Variants in PDS5A observed in about 807,000 individuals in gnomAD.
PDS5A encodes the protein PDS5 cohesin associated factor A, also known as sister chromatid cohesion protein PDS5 homolog A.
PDS5A carries 42 observed loss-of-function variants against 167.1 expected under a neutral mutation model. The observed-to-expected ratio is 0.25, with a 90% CI of 0.20 to 0.33. The LOEUF (loss-of-function observed/expected upper bound fraction) is 0.33. Ranked by LOEUF, PDS5A falls within the 10% of genes least tolerant of loss-of-function variation. PDS5A has a pLI of 1.00. For synonymous variants in PDS5A, 553 were observed against 554.6 expected, an observed-to-expected ratio of 1.00 and a Z score of 0.04; for missense variants, 1,033 against 1,605.9, an observed-to-expected ratio of 0.64 and a Z score of 6.10.
At position 39,899,851 on chromosome 4, in the gene PDS5A, T is replaced by TAAAA. The variant is rs532738160; in HGVS notation, c.1581+571_1581+574dup. 3.5e-3 allele frequency among the ~76,000 whole-genome samples: 358 copies of TAAAA among 102,380 alleles called. 3 individuals are homozygous for TAAAA. Among genetic ancestry groups the TAAAA allele is most frequent in the African/African-American group, 0.015 (328 of 21,536 alleles). 67.2% of individuals were successfully genotyped at this position (102,380 alleles called of 152,430 possible). A position where few individuals can be genotyped will look rare whatever the true frequency, so the allele number is the denominator to read the frequency against. On this transcript the variant is annotated intron_variant, in intron 14 of 32. Coordinates refer to ENST00000303538, the MANE Select transcript of PDS5A (RefSeq NM_001100399.2). Reference sequence around the variant, plus strand: ...GGCAACAGAGTAAGATCCTGTGTATTAAAAAAAAAAAAAAAAAAAAAAAAA... The same window carrying TAAAA: ...GGCAACAGAGTAAGATCCTGTGTATTAAAAAAAAAAAAAAAAAAAAAAAAAAAAA...
chr4:39,950,063 G>A (rs974819687), intron 2 of PDS5A, among the ~76,000 whole-genome samples: 5 of 151,632 alleles, frequency 3.3e-5, no homozygotes, highest in Admixed American at 2.0e-4. Flanking sequence ...GCGCCACCAC[G>A]CTTGGCTTAT....
rs1339822396 is a variant in PDS5A at position 39,916,486 on chromosome 4, GTATTAT to G, written c.876+556_876+561del. Among the ~76,000 whole-genome samples, 20 of 152,226 alleles carry G rather than the reference GTATTAT, an allele frequency of 1.3e-4. 1 individual carries two copies. In the South Asian group the frequency reaches 3.1e-3, roughly 24 times the overall value. On this transcript the variant is annotated intron_variant, in intron 8 of 32. Transcript: ENST00000303538. Reference sequence around the variant, plus strand: ...AATGGATACCATTTAATACCAACATGTATTATAAATCTCTAAGATAATACCATTTTT... The same window carrying G: ...AATGGATACCATTTAATACCAACATGAAATCTCTAAGATAATACCATTTTT...
chr4:39,844,041 T>C (rs1019581161), intron 30 of PDS5A, among the ~76,000 whole-genome samples: 3 of 152,028 alleles, frequency 2.0e-5, no homozygotes, highest in Admixed American at 1.3e-4. Flanking sequence ...TCCCAGCTAC[T>C]TGGGATGCTG....
At position 39,825,270 on chromosome 4, in the gene PDS5A, A is replaced by T; in HGVS notation, c.*215T>A. 1 of 423,092 alleles carries T rather than the reference A, an allele frequency of 2.4e-6. No homozygotes were observed. The allele number at this position is 423,092 out of a possible 1,614,324, so 26.2% of individuals were successfully genotyped here. On this transcript the variant is annotated 3_prime_UTR_variant, in exon 33 of 33. Transcript: ENST00000303538. ...GAAGGGGGAGAACAGAGTTGCTTTT[A>T]GCCTCTCTCTCAAGAGTTTCTGCTG...
At chr4:39,964,273 T>A (rs938889390) in intron 2 of PDS5A, among the ~76,000 whole-genome samples, 1 of 152,172 alleles carries the variant, frequency 6.6e-6, no homozygotes, top group African/African-American at 2.4e-5. Context: ...GGAGGAAGCT[T>A]AGAAGTACTC....
chr4:39,868,858 AAAG>A (rs1343219435), intron 22 of PDS5A: 3 of 348,886 alleles, frequency 8.6e-6, no homozygotes, highest in Admixed American at 7.6e-5. Context: ...ACAGATTATC[AAAG>A]AAGATGATAC....
intron 29 of PDS5A, among the ~76,000 whole-genome samples, chr4:39,845,539 C>T (rs1469191402): frequency 1.3e-5 from 2 of 152,036 alleles, no homozygotes; most frequent in African/African-American, 4.8e-5. Context: ...ATCTTATATA[C>T]CTAAGTTGGT....
chr4:39,920,898 C>G (rs974255455), intron 6 of PDS5A, among the ~76,000 whole-genome samples: 1 of 152,158 alleles, frequency 6.6e-6, no homozygotes, highest in Non-Finnish European at 1.5e-5. Context: ...TAATACTATG[C>G]TCCCGTTTCA....
At chr4:39,828,599 G>T (rs2292111) in intron 32 of PDS5A, among the ~76,000 whole-genome samples, 15,511 of 152,222 alleles carry the variant, frequency 0.1, 909 homozygotes, top group East Asian at 0.22. Context: ...AACCTAAAGT[G>T]TAAACTGTAG....
chr4:39,881,566 C>T (rs1353575156), intron 17 of PDS5A, among the ~76,000 whole-genome samples: 1 of 152,008 alleles, frequency 6.6e-6, no homozygotes, highest in Non-Finnish European at 1.5e-5. Flanking sequence ...TAATATACCA[C>T]ACAATTCCCT....
chr4:39,966,909 T>C (rs1200395725), intron 2 of PDS5A, among the ~76,000 whole-genome samples: 3 of 142,906 alleles, frequency 2.1e-5, no homozygotes, highest in Non-Finnish European at 4.7e-5. Flanking sequence ...TGAGGCAGAA[T>C]TGCTTGAACC....
At chr4:39,960,801 T>C (rs1330915717) in intron 2 of PDS5A, among the ~76,000 whole-genome samples, 1 of 152,022 alleles carries the variant, frequency 6.6e-6, no homozygotes, top group Non-Finnish European at 1.5e-5. Context: ...GCTATTCTCC[T>C]GCCTCAGCCT....
intron 28 of PDS5A, 118 bp from the exon 29 acceptor site, chr4:39,845,998 G>A (rs1040443347): frequency 2.4e-6 from 2 of 833,656 alleles, no homozygotes; most frequent in African/African-American, 1.8e-5. Context: ...ATACACTTGT[G>A]CTAACACATA....
At chr4:39,921,602 A>G (rs78945857) in intron 6 of PDS5A, among the ~76,000 whole-genome samples, 2 of 150,700 alleles carry the variant, frequency 1.3e-5, no homozygotes, top group Admixed American at 1.3e-4. Flanking sequence ...AAAAAAAAAA[A>G]AAAGCCAGGT....
intron 22 of PDS5A, 60 bp from the exon 23 acceptor site, chr4:39,867,057 ATTAAT>A: frequency 2.3e-6 from 3 of 1,303,838 alleles, no homozygotes; most frequent in Non-Finnish European, 2.1e-6. Flanking sequence ...TAAAGGGAAA[ATTAAT>A]TTAATTAGAT....
chr4:39,914,917 T>C (rs1394299430), intron 8 of PDS5A, among the ~76,000 whole-genome samples: 1 of 152,250 alleles, frequency 6.6e-6, no homozygotes, highest in East Asian at 1.9e-4. Flanking sequence ...GATAAAATCC[T>C]TTCCTTATGA....
At chr4:39,831,391 G>A (rs1715859674) in intron 32 of PDS5A, among the ~76,000 whole-genome samples, 1 of 152,032 alleles carries the variant, frequency 6.6e-6, no homozygotes, top group Non-Finnish European at 1.5e-5. Context: ...GAGCCACCGT[G>A]CCTGGCCATA....
chr4:39,888,352 T>A (rs1363172115), intron 17 of PDS5A, among the ~76,000 whole-genome samples: 2 of 151,296 alleles, frequency 1.3e-5, no homozygotes, highest in African/African-American at 2.4e-5. Context: ...GTTGGAAATG[T>A]AAATTAGCAT....
chr4:39,908,398 T>C lies in PDS5A; in HGVS notation c.1230A>G (p.Lys410=). 6.2e-7 allele frequency: 1 copy of C among 1,612,416 alleles called. No individual in the cohort carries two copies. Among genetic ancestry groups the C allele is most frequent in the Non-Finnish European group, 8.5e-7 (1 of 1,178,772 alleles). The change falls in exon 11 of 33, where the codon AAA becomes AAG. Residue 410 remains lysine (K), a synonymous_variant. Transcript: ENST00000303538. ...LGFVRERTLD[K]RWRVRKEAMM... is the part of the protein sequence containing the mutation. ...AATAAAATGCCTCAGATTTTACCCG[T>C]TTATCCAGTGTTCTTTCCCTTACAA...
Sources: allele counts gnomAD v4.1 joint callset (sites outside exome capture counted in the v4.1 genomes callset), GRCh38; gene constraint gnomAD v4.1.1; transcripts MANE v1.5; gene names NCBI Gene and HGNC (gene_info 2026-07-23, HGNC 2026-07-21).